SNX8: variants seen among roughly 807,000 people sequenced by gnomAD.
SNX8 encodes sorting nexin 8.
Under a neutral mutation model 51.6 loss-of-function variants are expected in SNX8, and 25 were observed. The observed-to-expected ratio is 0.48, with a 90% CI of 0.35 to 0.68. The LOEUF (loss-of-function observed/expected upper bound fraction) is 0.68. SNX8 is among the 30% of genes least tolerant of loss of function. The probability of loss-of-function intolerance (pLI) is 0.00; values close to 1 mark genes in which losing one functional copy is unlikely to be tolerated. For synonymous variants in SNX8, 324 were observed against 277.0 expected (o/e 1.17, Z -1.68); for missense variants, 695 against 624.0 (o/e 1.11, Z -1.21).
At position 2,256,856 on chromosome 7, in the gene SNX8, G is replaced by A. The variant is rs370745249; in HGVS notation, c.1284+18C>T. 16 of 1,598,786 alleles carry A rather than the reference G, an allele frequency of 1.0e-5. No homozygotes were observed. Among genetic ancestry groups the A allele is most frequent in the Middle Eastern group, 1.7e-4 (1 of 5,752 alleles). The stretch of plus-strand genomic sequence containing the variant: ...AAAGGCCGTGGCCGAGACGGCGGCC[G>A]GAGCAGGGCGGACTCACCTCCTTGT... On this transcript the variant is annotated intron_variant, in intron 10 of 10. Coordinates refer to ENST00000222990, the MANE Select transcript of SNX8 (RefSeq NM_013321.4).
chr7:2,311,121 T>C (rs1042427600), intron 1 of SNX8, among the ~76,000 whole-genome samples: 1 of 152,172 alleles, frequency 6.6e-6, no homozygotes, highest in South Asian at 2.1e-4. Flanking sequence ...AGAATTCAAA[T>C]AGAATGAGAC....
intron 1 of SNX8, among the ~76,000 whole-genome samples, chr7:2,329,403 C>T (rs1175850050): frequency 6.6e-6 from 1 of 152,238 alleles, no homozygotes; most frequent in Non-Finnish European, 1.5e-5. Context: ...CACCCTATTG[C>T]CGGCCTAGTC....
At chr7:2,290,880 C>T (rs1227330230) in intron 1 of SNX8, among the ~76,000 whole-genome samples, 1 of 152,230 alleles carries the variant, frequency 6.6e-6, no homozygotes, top group East Asian at 1.9e-4. Flanking sequence ...CCCAGGAGAA[C>T]AGGAGGAGGA....
chr7:2,298,740 G>A (rs1192036057), intron 1 of SNX8, among the ~76,000 whole-genome samples: 1 of 151,724 alleles, frequency 6.6e-6, no homozygotes, highest in East Asian at 1.9e-4. Context: ...CCCCCAGCCT[G>A]GAGTGCAGTG....
chr7:2,337,852 T>TAAAAAAA lies in SNX8; in HGVS notation c.-66+16363_-66+16369dup, dbSNP rs66642038. ...CTCAAGCAAATAAAAGGATATCTTG[T>TAAAAAAA]AAAAAAAAAAAAAAGGGAAAAGAAA... On this transcript the variant is annotated intron_variant, in intron 1 of 5. Transcript: ENST00000435336. Among the ~76,000 whole-genome samples, 11 of 131,490 alleles carry TAAAAAAA rather than the reference T, an allele frequency of 8.4e-5. No homozygotes were observed. The East Asian group carries it at 1.6e-3, about 19-fold the overall frequency. 86.3% of individuals were successfully genotyped at this position (131,490 alleles called of 152,430 possible).
At chr7:2,351,542 A>C (rs578086961) in intron 1 of SNX8, among the ~76,000 whole-genome samples, 1 of 152,042 alleles carries the variant, frequency 6.6e-6, no homozygotes, top group Non-Finnish European at 1.5e-5. Context: ...CTGTTAAAAA[A>C]TAATAATAGG....
At position 2,334,846 on chromosome 7, in the gene SNX8, C is replaced by CAGAGT. The variant is rs752167399; in HGVS notation, c.-66+19375_-66+19376insACTCT. Among the ~76,000 whole-genome samples, 50 of 118,528 alleles carry CAGAGT rather than the reference C, an allele frequency of 4.2e-4. 1 individual carries two copies. Among genetic ancestry groups the CAGAGT allele is most frequent in the Non-Finnish European group, 6.6e-4 (40 of 60,988 alleles). The allele number at this position is 118,528 out of a possible 152,430, so 77.8% of individuals were successfully genotyped here. ...TTGCACCACTGCACTCCAGCCTAGGCAACAGAGTAAGAGCCCATCTCTGAA... is the reference window on the plus strand; with the variant it reads ...TTGCACCACTGCACTCCAGCCTAGGCAGAGTAACAGAGTAAGAGCCCATCTCTGAA... On this transcript the variant is annotated intron_variant, in intron 1 of 5. Transcript: ENST00000435336.
At chr7:2,283,099 C>T (rs1296432811) in intron 1 of SNX8, among the ~76,000 whole-genome samples, 4 of 150,682 alleles carry the variant, frequency 2.7e-5, no homozygotes, top group African/African-American at 9.8e-5. Flanking sequence ...CCAGCCTGGG[C>T]GACAAAACCA....
Position 2,264,372 on chromosome 7 carries a change from G to T in SNX8, c.708C>A (p.Arg236=), listed in dbSNP as rs778518638. Residue 236 remains arginine, a synonymous_variant, in exon 6 of 11, where the codon CGC becomes CGA. Coordinates refer to ENST00000222990, the MANE Select transcript of SNX8 (RefSeq NM_013321.4). ...GCGATGCGATCCGCTCGGCCCTGTC[G>T]CGAAGCTTGTGAAAGCTATTGTAGA... is the stretch of plus-strand genomic sequence containing the variant. The part of the protein sequence containing the change: ...RNIYNSFHKL[R]DRAERIASRA... 1.2e-6 allele frequency: 2 copies of T among 1,612,926 alleles called. No individual in the cohort carries two copies. The highest frequency in any genetic ancestry group is 1.3e-5 in the African/African-American group (1 of 75,040).
chr7:2,311,510 AC>A (rs1279466892), intron 1 of SNX8, among the ~76,000 whole-genome samples: 1 of 152,160 alleles, frequency 6.6e-6, no homozygotes, highest in Non-Finnish European at 1.5e-5. Context: ...GACGTGAGCC[AC>A]AGTGCTTGGT....
rs62403341 is a variant in SNX8 at position 2,269,161 on chromosome 7, G to A, written c.621+398C>T. On this transcript the variant is annotated intron_variant, in intron 5 of 10. Transcript: ENST00000222990. ...TGTGTAGAAAGAAGTAGACATGGGA[G>A]ACTTTTCATTTTGTTCTGTACTAAG... Among the ~76,000 whole-genome samples, 632 of 149,794 alleles carry A rather than the reference G, an allele frequency of 4.2e-3. 6 individuals are homozygous for A. Among genetic ancestry groups the A allele is most frequent in the African/African-American group, 0.014 (591 of 40,878 alleles).
chr7:2,326,868 G>C (rs1228094244), intron 1 of SNX8, among the ~76,000 whole-genome samples: 1 of 152,100 alleles, frequency 6.6e-6, no homozygotes, highest in East Asian at 1.9e-4. Context: ...CACTTTGGGA[G>C]GCCGAGGCAG....
chr7:2,277,611 T>C (rs145693574), intron 2 of SNX8, among the ~76,000 whole-genome samples: 3,620 of 149,920 alleles, frequency 0.024, 129 homozygotes, highest in African/African-American at 0.084. Flanking sequence ...CCACCCTGGC[T>C]AACATGGTGA....
chr7:2,285,023 T>C (rs150132205), intron 1 of SNX8, among the ~76,000 whole-genome samples: 2,598 of 151,924 alleles, frequency 0.017, 70 homozygotes, highest in African/African-American at 0.058. Context: ...CCATCCTGGC[T>C]AACACGATGA....
chr7:2,303,396 C>T (rs541491092), intron 1 of SNX8, among the ~76,000 whole-genome samples: 2 of 151,924 alleles, frequency 1.3e-5, no homozygotes, highest in Non-Finnish European at 2.9e-5. Flanking sequence ...TCTGCCCGGC[C>T]GCCCCTACTG....
chr7:2,326,867 A>C (rs1342466973), intron 1 of SNX8, among the ~76,000 whole-genome samples: 1 of 152,130 alleles, frequency 6.6e-6, no homozygotes. Flanking sequence ...GCACTTTGGG[A>C]GGCCGAGGCA....
At chr7:2,341,445 G>C (rs1778923057) in intron 1 of SNX8, among the ~76,000 whole-genome samples, 1 of 151,938 alleles carries the variant, frequency 6.6e-6, no homozygotes, top group Non-Finnish European at 1.5e-5. Context: ...GTTACAGTGA[G>C]CTGAGGTCGC....
intron 1 of SNX8, chr7:2,309,754 T>G: frequency 2.2e-6 from 1 of 464,248 alleles, no homozygotes; most frequent in Non-Finnish European, 4.4e-6. Context: ...GTATAAACTT[T>G]AAGTGACAGC....
intron 1 of SNX8, among the ~76,000 whole-genome samples, chr7:2,319,513 T>G (rs1439391391): frequency 2.1e-5 from 3 of 144,426 alleles, no homozygotes; most frequent in South Asian, 2.2e-4. Context: ...CTACTAAAAA[T>G]ACAAAAATTA....
Sources: allele counts gnomAD v4.1 joint callset (sites outside exome capture counted in the v4.1 genomes callset), GRCh38; gene constraint gnomAD v4.1.1; transcripts MANE v1.5; gene names NCBI Gene and HGNC (gene_info 2026-07-23, HGNC 2026-07-21).